The following ME2 variants were observed in gnomAD, a reference collection of about 807,000 sequenced individuals.
ME2 encodes the protein malic enzyme 2.
Under a neutral mutation model 73.7 loss-of-function variants are expected in ME2, and 60 were observed. The ratio of observed to expected loss-of-function variants is 0.81; its 90% CI spans 0.66 to 1.01. The LOEUF is 1.01. Ranked by LOEUF, ME2 falls within the 50% of genes least tolerant of loss-of-function variation. ME2 has a pLI of 0.00. For synonymous variants in ME2, 199 were observed against 236.9 expected (o/e 0.84, Z 1.47); for missense variants, 594 against 705.5 (o/e 0.84, Z 1.79).
chr18:50,893,488 G>A (rs1916658816), intron 1 of ME2, among the ~76,000 whole-genome samples: 1 of 152,192 alleles, frequency 6.6e-6, no homozygotes, highest in Non-Finnish European at 1.5e-5. Flanking sequence ...AGGCCATCAG[G>A]AATTTGTTAG....
At chr18:50,882,747 G>A (rs1017939362) in intron 1 of ME2, among the ~76,000 whole-genome samples, 3 of 152,074 alleles carry the variant, frequency 2.0e-5, no homozygotes, top group African/African-American at 7.2e-5. Flanking sequence ...TCAGGAGTTC[G>A]AGACCAGCCT....
chr18:50,941,323 A>ATAAAT (rs1270400210), intron 15 of ME2, among the ~76,000 whole-genome samples: 1 of 144,894 alleles, frequency 6.9e-6, no homozygotes, highest in Admixed American at 6.8e-5. Flanking sequence ...GTCTTTACAG[A>ATAAAT]TAAATCTTTG....
chr18:50,920,280 T>C (rs1917389938), intron 7 of ME2, among the ~76,000 whole-genome samples, 176 bp from the exon 8 acceptor site: 1 of 152,202 alleles, frequency 6.6e-6, no homozygotes, highest in Admixed American at 6.5e-5. Context: ...ACTTTTTTTA[T>C]TGAATAATTT....
Position 50,949,764 on chromosome 18 carries a change from G to A in ME2, c.*2580G>A, listed in dbSNP as rs991113489. ...AAATAGGCTAAATGGCATATAGCCTGCTTAAATAAAATAATTCTATTTTTT... is the reference window on the plus strand; with the variant it reads ...AAATAGGCTAAATGGCATATAGCCTACTTAAATAAAATAATTCTATTTTTT... On this transcript the variant is annotated 3_prime_UTR_variant, in exon 16 of 16. Transcript: ENST00000321341. 17 of 152,174 alleles carry A rather than the reference G, an allele frequency of 1.1e-4. No individual in the cohort carries two copies. The highest frequency in any genetic ancestry group is 4.1e-4 in the African/African-American group (17 of 41,442). 9.4% of individuals were successfully genotyped at this position (152,174 alleles called of 1,614,324 possible).
At chr18:50,894,479 A>C (rs974004235) in intron 1 of ME2, among the ~76,000 whole-genome samples, 1 of 151,684 alleles carries the variant, frequency 6.6e-6, no homozygotes, top group Non-Finnish European at 1.5e-5. Context: ...AAGGCAGGAG[A>C]ATAGCTTGAA....
intron 12 of ME2, among the ~76,000 whole-genome samples, chr18:50,926,348 A>C (rs188146101): frequency 7.2e-5 from 11 of 152,276 alleles, no homozygotes; most frequent in Admixed American, 3.3e-4. Flanking sequence ...TTCACTCTGC[A>C]TAGACGTAAA....
chr18:50,884,741 A>C (rs183075834), intron 1 of ME2, among the ~76,000 whole-genome samples: 65 of 152,290 alleles, frequency 4.3e-4, no homozygotes, highest in African/African-American at 1.4e-3. Flanking sequence ...TGATTCCAAA[A>C]TGTATTTTTT....
chr18:50,931,127 CAATT>C (rs1474000015), intron 12 of ME2, among the ~76,000 whole-genome samples: 2 of 152,202 alleles, frequency 1.3e-5, no homozygotes, highest in African/African-American at 4.8e-5. Context: ...AATAATAACA[CAATT>C]AATTCTCTTA....
chr18:50,912,686 G>A (rs1355629989), intron 3 of ME2, 115 bp from the exon 4 acceptor site: 7 of 870,686 alleles, frequency 8.0e-6, no homozygotes, highest in African/African-American at 1.7e-5. Context: ...TTTAGAATGT[G>A]ATGTGAGAAT....
intron 12 of ME2, among the ~76,000 whole-genome samples, chr18:50,926,937 CTTT>C (rs914413180): frequency 6.6e-6 from 1 of 152,130 alleles, no homozygotes; most frequent in Admixed American, 6.6e-5. Context: ...TTTCATGAAA[CTTT>C]TTACTCTCTT....
At chr18:50,928,569 A>G (rs1164763834) in intron 12 of ME2, among the ~76,000 whole-genome samples, 1 of 152,144 alleles carries the variant, frequency 6.6e-6, no homozygotes, top group Non-Finnish European at 1.5e-5. Flanking sequence ...AGTGATGGAT[A>G]GTGTAGAAAA....
chr18:50,888,341 T>A, intron 1 of ME2, among the ~76,000 whole-genome samples: 1 of 21,330 alleles, frequency 4.7e-5, no homozygotes. Context: ...CAAGACCCTG[T>A]CTCAAAAAAA....
intron 1 of ME2, among the ~76,000 whole-genome samples, chr18:50,887,644 G>A (rs1916503013): frequency 6.6e-6 from 1 of 152,152 alleles, no homozygotes; most frequent in African/African-American, 2.4e-5. Flanking sequence ...TCTACCTGAG[G>A]TATGTAACCA....
Position 50,920,751 on chromosome 18 carries a change from C to G in ME2, c.935C>G (p.Ala312Gly). Residue 312 changes from alanine to glycine, a missense_variant, in exon 9 of 16, where the codon GCA becomes GGA. Ala to Gly is a moderately conservative substitution (Grantham distance 60, BLOSUM62 0). Coordinates refer to ENST00000321341, the MANE Select transcript of ME2 (RefSeq NM_002396.5). Reference protein sequence around the residue: ...ISEHKILFLGAGEAALGIANL... With the variant: ...ISEHKILFLGGGEAALGIANL... ...GAACACAAAATCTTATTCCTTGGAGCAGGAGAGGTAAGTTTTGAAGGCTTT... is the reference window on the plus strand; with the variant it reads ...GAACACAAAATCTTATTCCTTGGAGGAGGAGAGGTAAGTTTTGAAGGCTTT... 1 of 1,603,832 alleles carries G rather than the reference C, an allele frequency of 6.2e-7. No homozygotes were observed. Among genetic ancestry groups the G allele is most frequent in the Non-Finnish European group, 8.5e-7 (1 of 1,177,332 alleles).
In ME2 at chr18:50,913,963, A is replaced by T. The variant is rs544231336; in HGVS notation, c.392+1013A>T. ...TATTATTTTTCTCAATCCTTATAAT[A>T]TTTTCCCCATGCCCAATTAACACAT... On this transcript the variant is annotated intron_variant, in intron 4 of 15. Coordinates refer to ENST00000321341, the MANE Select transcript of ME2 (RefSeq NM_002396.5). Among the ~76,000 whole-genome samples the T allele has an allele frequency of 4.7e-3, 708 of 151,712 alleles. 2 individuals carry two copies. The highest frequency in any genetic ancestry group is 8.5e-3 in the Admixed American group (129 of 15,202).
chr18:50,887,793 A>G (rs1397092772), intron 1 of ME2, among the ~76,000 whole-genome samples: 1 of 152,222 alleles, frequency 6.6e-6, no homozygotes, highest in African/African-American at 2.4e-5. Flanking sequence ...AAAGATTGCA[A>G]AGTGAGCTTA....
intron 11 of ME2, 64 bp downstream of exon 11, chr18:50,924,276 C>T: frequency 9.6e-7 from 1 of 1,040,842 alleles, no homozygotes; most frequent in East Asian, 2.4e-5. Context: ...TCATCATTAC[C>T]ATGTAGGATT....
At chr18:50,924,325 T>C (rs752557765) in intron 11 of ME2, 113 bp downstream of exon 11, 12 of 673,488 alleles carry the variant, frequency 1.8e-5, no homozygotes, top group Non-Finnish European at 2.8e-5. Context: ...GCTTTCAGCA[T>C]GTACAATGTT....
rs768575693 is a variant in ME2 at position 50,921,185 on chromosome 18, A to G, written c.1054A>G (p.Lys352Glu). The G allele has an allele frequency of 6.7e-7, 1 of 1,481,694 alleles. No individual in the cohort carries two copies. The highest frequency in any genetic ancestry group is 9.2e-7 in the Non-Finnish European group (1 of 1,084,088). The allele number at this position is 1,481,694 out of a possible 1,614,324, so 91.8% of individuals were successfully genotyped here. The change falls in exon 10 of 16, where the codon AAG becomes GAG. Residue 352 changes from lysine to glutamate, a missense_variant and splice_region_variant. Transcript: ENST00000321341. ...WMFDKYGLLV[K>E]GRKAKIDSYQ... is the part of the protein sequence containing the mutation. ...GTTTGACAAGTATGGTTTATTAGTT[A>G]AGGTAAGGTATTTAAAATTTGGAGA...
Sources: gnomAD v4.1 joint callset for allele counts (sites outside exome capture counted in the v4.1 genomes callset) on GRCh38, gnomAD v4.1.1 for gene constraint, MANE v1.5 for transcripts, NCBI Gene and HGNC (gene_info 2026-07-23, HGNC 2026-07-21) for gene names.